The following RPS6KA6 variants were observed in gnomAD, a reference collection of about 807,000 sequenced individuals.
RPS6KA6 encodes ribosomal protein S6 kinase A6, also known as ribosomal protein S6 kinase alpha-6.
RPS6KA6 carries 27 observed loss-of-function variants against 65.4 expected under a neutral mutation model. The observed-to-expected ratio is 0.41, with a 90% confidence interval of 0.30 to 0.57. RPS6KA6 has a LOEUF of 0.57. Ranked by LOEUF, RPS6KA6 falls within the 20% of genes least tolerant of loss-of-function variation. The probability of loss-of-function intolerance (pLI) is 0.24; values close to 1 mark genes in which losing one functional copy is unlikely to be tolerated. For synonymous variants in RPS6KA6, 190 were observed against 184.2 expected, an observed-to-expected ratio of 1.03 and a Z score of -0.26; for missense variants, 486 against 555.6, an observed-to-expected ratio of 0.87 and a Z score of 1.26.
At chrX:84,099,629 C>A (rs893191942) in intron 18 of RPS6KA6, among the ~76,000 whole-genome samples, 1 of 111,370 alleles carries the variant, frequency 9.0e-6, no homozygotes, top group East Asian at 2.8e-4. Context: ...TATCCCTCAA[C>A]TTTTTTGTAA....
chrX:84,081,583 T>G (rs2033800822), intron 20 of RPS6KA6, among the ~76,000 whole-genome samples: 1 of 111,508 alleles, frequency 9.0e-6, no homozygotes, highest in South Asian at 3.8e-4. Context: ...TTCCAAATAA[T>G]AGAAAAATAG....
intron 1 of RPS6KA6, among the ~76,000 whole-genome samples, chrX:84,170,428 G>A (rs545651046): frequency 2.7e-5 from 3 of 109,771 alleles, no homozygotes; most frequent in South Asian, 3.9e-4. Flanking sequence ...TCAGGAGTTC[G>A]ACACCAGCCT....
At chrX:84,074,509 A>G (rs2147341519) in intron 20 of RPS6KA6, among the ~76,000 whole-genome samples, 1 of 111,937 alleles carries the variant, frequency 8.9e-6, no homozygotes, top group African/African-American at 3.2e-5. Flanking sequence ...GCTAAAAAAG[A>G]GGATTTTGAA....
chrX:84,140,758 C>CATATATATATAT (rs1191737057), intron 6 of RPS6KA6, among the ~76,000 whole-genome samples: 3 of 79,340 alleles, frequency 3.8e-5, no homozygotes, highest in African/African-American at 4.3e-5. Flanking sequence ...AAAAAACATA[C>CATATATATATAT]ATATATATAT....
chrX:84,116,853 A>G (rs2034577992), intron 11 of RPS6KA6, among the ~76,000 whole-genome samples: 1 of 111,895 alleles, frequency 8.9e-6, no homozygotes, highest in African/African-American at 3.2e-5. Flanking sequence ...ACATAATAAT[A>G]GGTTGAACAG....
At chrX:84,168,908 G>C (rs1160891885) in intron 1 of RPS6KA6, among the ~76,000 whole-genome samples, 1 of 111,462 alleles carries the variant, frequency 9.0e-6, no homozygotes, top group Non-Finnish European at 1.9e-5. Context: ...CAAGGTATCA[G>C]GTTTTCAATA....
intron 20 of RPS6KA6, among the ~76,000 whole-genome samples, chrX:84,069,816 T>C (rs1317746410): frequency 8.9e-6 from 1 of 112,352 alleles, no homozygotes; most frequent in Non-Finnish European, 1.9e-5. Context: ...AAAAAGCTCA[T>C]CATCACTGCT....
intron 20 of RPS6KA6, among the ~76,000 whole-genome samples, chrX:84,083,546 C>T (rs2033849863): frequency 8.9e-6 from 1 of 112,222 alleles, no homozygotes; most frequent in Non-Finnish European, 1.9e-5. Context: ...CATGTCCCTG[C>T]AAAGAACATC....
At chrX:84,127,777 TA>T (rs376097643) in intron 8 of RPS6KA6, among the ~76,000 whole-genome samples, 1,433 of 99,454 alleles carry the variant, frequency 0.014, 25 homozygotes, top group African/African-American at 0.047. Flanking sequence ...CTCTTCATGA[TA>T]AAAAAAAAAA....
chrX:84,093,036 C>T (rs188749584), intron 20 of RPS6KA6, among the ~76,000 whole-genome samples: 5 of 112,110 alleles, frequency 4.5e-5, no homozygotes, highest in South Asian at 3.7e-4. Flanking sequence ...TTTGTGGCAA[C>T]GTGGATTAAC....
intron 20 of RPS6KA6, among the ~76,000 whole-genome samples, chrX:84,075,128 A>G (rs1602375980): frequency 9.0e-6 from 1 of 110,771 alleles, no homozygotes. Flanking sequence ...GCTACTCAGG[A>G]GGTTGAGGCA....
chrX:84,077,982 C>T (rs1382842464), intron 20 of RPS6KA6, among the ~76,000 whole-genome samples: 1 of 112,110 alleles, frequency 8.9e-6, no homozygotes, highest in East Asian at 2.8e-4. Context: ...AGTTTATTAG[C>T]TCTAATATCA....
intron 3 of RPS6KA6, among the ~76,000 whole-genome samples, chrX:84,151,213 G>GAT (rs1195803974): frequency 1.1e-5 from 1 of 88,817 alleles, no homozygotes; most frequent in Admixed American, 1.4e-4. Flanking sequence ...AGATATATAG[G>GAT]ATATATATAG....
At chrX:84,100,950 A>T (rs1361070893) in intron 18 of RPS6KA6, among the ~76,000 whole-genome samples, 1 of 110,902 alleles carries the variant, frequency 9.0e-6, no homozygotes, top group Non-Finnish European at 1.9e-5. Context: ...TTATTTTTAT[A>T]GTAGCTACTT....
At position 84,091,155 on chromosome X, in the gene RPS6KA6, T is replaced by A. The variant is rs769791960; in HGVS notation, c.1971+5039A>T. Among the ~76,000 whole-genome samples, 92 of 111,856 alleles carry A rather than the reference T, an allele frequency of 8.2e-4. 1 individual carries two copies. Among genetic ancestry groups the A allele is most frequent in the African/African-American group, 2.9e-3 (89 of 30,844 alleles). Reference sequence around the variant, plus strand: ...TATAAATCTATAACCTGTAAACACATGAAAAAAGCATCTTCTATTAAAAGC... The same window carrying A: ...TATAAATCTATAACCTGTAAACACAAGAAAAAAGCATCTTCTATTAAAAGC... On this transcript the variant is annotated intron_variant, in intron 20 of 21. Coordinates refer to ENST00000262752, the MANE Select transcript of RPS6KA6 (RefSeq NM_014496.5).
chrX:84,169,616 T>C lies in RPS6KA6; in HGVS notation c.82-5229A>G, dbSNP rs756847626. On this transcript the variant is annotated intron_variant, in intron 1 of 21. Coordinates refer to ENST00000262752, the MANE Select transcript of RPS6KA6 (RefSeq NM_014496.5). ...TGGTGCTGAAAGATATATTGAAACT[T>C]AGAAGTAGGCCCACATCTAACTAGA... Among the ~76,000 whole-genome samples the C allele has an allele frequency of 2.7e-5, 3 of 111,628 alleles. 1 individual carries two copies. The South Asian group carries it at 1.1e-3, about 42-fold the overall frequency.
At chrX:84,170,892 T>A (rs1478085965) in intron 1 of RPS6KA6, among the ~76,000 whole-genome samples, 1 of 111,063 alleles carries the variant, frequency 9.0e-6, no homozygotes, top group East Asian at 2.9e-4. Context: ...TTACACTGTG[T>A]CATATAAGAC....
chrX:84,184,563 G>A (rs1366077555), intron 1 of RPS6KA6, among the ~76,000 whole-genome samples: 1 of 111,138 alleles, frequency 9.0e-6, no homozygotes, highest in African/African-American at 3.3e-5. Context: ...CATGGAGCTC[G>A]GACAAGAACC....
chrX:84,143,211 T>C (rs1178265165), intron 6 of RPS6KA6, among the ~76,000 whole-genome samples: 1 of 111,062 alleles, frequency 9.0e-6, no homozygotes, highest in Non-Finnish European at 1.9e-5. Flanking sequence ...CTAAAAAAAA[T>C]TATAATCTCA....
Sources: gnomAD v4.1 joint callset for allele counts (sites outside exome capture counted in the v4.1 genomes callset) on GRCh38, gnomAD v4.1.1 for gene constraint, MANE v1.5 for transcripts, NCBI Gene and HGNC (gene_info 2026-07-23, HGNC 2026-07-21) for gene names.